Variants in ECPAS observed in about 807,000 individuals in gnomAD.
The protein encoded by ECPAS is proteasome adapter and scaffold protein ECM29.
Under a neutral mutation model 255.1 loss-of-function variants are expected in ECPAS, and 70 were observed. The ratio of observed to expected loss-of-function variants is 0.27; its 90% CI spans 0.23 to 0.33. The LOEUF (loss-of-function observed/expected upper bound fraction) is 0.33, where lower values mean the gene tolerates loss of function less well. Ranked by LOEUF, ECPAS falls within the 10% of genes least tolerant of loss-of-function variation. The pLI is 1.00. For synonymous variants in ECPAS, 784 were observed against 775.0 expected, an observed-to-expected ratio of 1.01 and a Z score of -0.19; for missense variants, 1,817 against 2,206.4, an observed-to-expected ratio of 0.82 and a Z score of 3.54.
At chr9:111,456,511 T>C (rs1399073199) in intron 2 of ECPAS, among the ~76,000 whole-genome samples, 2 of 152,214 alleles carry the variant, frequency 1.3e-5, no homozygotes, top group East Asian at 3.8e-4. Flanking sequence ...GGAAGTTTTA[T>C]TTGAAAGAAT....
chr9:111,423,639 A>G (rs1426763966), intron 12 of ECPAS, among the ~76,000 whole-genome samples: 1 of 152,162 alleles, frequency 6.6e-6, no homozygotes, highest in African/African-American at 2.4e-5. Flanking sequence ...AAAATACATC[A>G]CCGGTCCAAC....
At chr9:111,432,725 T>A (rs2098231921) in intron 8 of ECPAS, among the ~76,000 whole-genome samples, 1 of 152,268 alleles carries the variant, frequency 6.6e-6, no homozygotes, top group African/African-American at 2.4e-5. Context: ...ACTTCATTCA[T>A]TTATTTTTCA....
intron 1 of ECPAS, among the ~76,000 whole-genome samples, chr9:111,481,636 G>T (rs943770844): frequency 6.6e-6 from 1 of 152,208 alleles, no homozygotes; most frequent in Non-Finnish European, 1.5e-5. Flanking sequence ...TCTCAAAGGG[G>T]TATCTGTACA....
chr9:111,378,540 C>T (rs1038004180), intron 36 of ECPAS, 40 bp downstream of exon 36: 2 of 1,579,490 alleles, frequency 1.3e-6, no homozygotes, highest in Admixed American at 1.7e-5. Flanking sequence ...AGGGCTCTTC[C>T]CTCATGATAC....
At chr9:111,409,433 G>A (rs1042370265) in intron 23 of ECPAS, among the ~76,000 whole-genome samples, 9 of 151,938 alleles carry the variant, frequency 5.9e-5, no homozygotes, top group African/African-American at 1.5e-4. Context: ...GGTGGCGTGC[G>A]CCTGTAATCT....
At chr9:111,427,951 C>A in intron 10 of ECPAS, 91 bp downstream of exon 10, 1 of 1,085,984 alleles carries the variant, frequency 9.2e-7, no homozygotes, top group Non-Finnish European at 1.3e-6. Context: ...ATCAACCTAC[C>A]CACTGAATAT....
At chr9:111,379,709 T>A (rs575493588) in intron 35 of ECPAS, among the ~76,000 whole-genome samples, 1 of 152,254 alleles carries the variant, frequency 6.6e-6, no homozygotes, top group Non-Finnish European at 1.5e-5. Context: ...CAACTAAGTT[T>A]ATGAAATATT....
At chr9:111,383,840 T>G (rs1271074432) in intron 34 of ECPAS, among the ~76,000 whole-genome samples, 1 of 152,130 alleles carries the variant, frequency 6.6e-6, no homozygotes, top group East Asian at 1.9e-4. Flanking sequence ...GAGGATCTCC[T>G]GACCCCGGCA....
chr9:111,433,714 G>A (rs2098233526), intron 7 of ECPAS, among the ~76,000 whole-genome samples: 1 of 152,162 alleles, frequency 6.6e-6, no homozygotes, highest in African/African-American at 2.4e-5. Context: ...CCTCCCTAGT[G>A]AGGTTACACA....
Position 111,408,551 on chromosome 9 carries a change from T to G in ECPAS, c.2652+20A>C. Reference sequence around the variant, plus strand: ...TGCCTTTTCTCTGAATAACTAACAATCAGGTAGCAATATAAATACCTCCAC... The same window carrying G: ...TGCCTTTTCTCTGAATAACTAACAAGCAGGTAGCAATATAAATACCTCCAC... On this transcript the variant is annotated intron_variant, in intron 24 of 49. Transcript: ENST00000684092. 2 of 1,348,926 alleles carry G rather than the reference T, an allele frequency of 1.5e-6. No individual in the cohort carries two copies. Among genetic ancestry groups the G allele is most frequent in the Non-Finnish European group, 2.0e-6 (2 of 1,003,612 alleles). The allele number at this position is 1,348,926 out of a possible 1,614,324, so 83.6% of individuals were successfully genotyped here.
intron 24 of ECPAS, among the ~76,000 whole-genome samples, chr9:111,402,885 A>G (rs2098178277): frequency 6.6e-6 from 1 of 152,186 alleles, no homozygotes; most frequent in African/African-American, 2.4e-5. Flanking sequence ...AGGAAGACAG[A>G]AAGAAAAAAA....
At chr9:111,438,550 T>C (rs2098241399) in intron 6 of ECPAS, among the ~76,000 whole-genome samples, 2 of 152,106 alleles carry the variant, frequency 1.3e-5, no homozygotes, top group Admixed American at 6.5e-5. Flanking sequence ...CAAGGCTGCA[T>C]TGAGTTACCA....
Position 111,437,063 on chromosome 9 carries a change from T to C in ECPAS, c.585A>G (p.Ala195=). 1.9e-6 allele frequency: 3 copies of C among 1,611,240 alleles called. No homozygotes were observed. Among genetic ancestry groups the C allele is most frequent in the Non-Finnish European group, 2.5e-6 (3 of 1,179,174 alleles). ...CGCCACTGTTTGAAGAAGAACCCTG[T>C]GCTGAAGATGAATTTTGGCGACTCT... is the stretch of plus-strand genomic sequence containing the variant. ...ESQSRQNSSS[A]QGSSSNSGGG... The change falls in exon 7 of 50, where the codon GCA becomes GCG. Residue 195 remains alanine, a synonymous_variant. Coordinates refer to ENST00000684092, the MANE Select transcript of ECPAS (RefSeq NM_001364929.1).
rs1424117490 is a variant in ECPAS, at chr9:111,372,292, T to A, written c.4528+137A>T. The stretch of plus-strand genomic sequence containing the variant: ...AACTAAATGGGATGAGCAATTTGGA[T>A]GGGTTTAAAACTAAATGGGATGCAT... On this transcript the variant is annotated intron_variant, in intron 42 of 49. Transcript: ENST00000684092. The A allele has an allele frequency of 5.0e-6, 4 of 806,362 alleles. No homozygotes were observed. In the East Asian group the frequency reaches 7.4e-5, roughly 15 times the overall value. 50.0% of individuals were successfully genotyped at this position (806,362 alleles called of 1,614,324 possible). A position where few individuals can be genotyped will look rare whatever the true frequency, so the allele number is the denominator to read the frequency against.
chr9:111,383,740 A>C (rs971925090), intron 34 of ECPAS, among the ~76,000 whole-genome samples: 1 of 151,916 alleles, frequency 6.6e-6, no homozygotes, highest in African/African-American at 2.4e-5. Flanking sequence ...GGGCAACATG[A>C]AGAGACCCTG....
At chr9:111,378,447 G>A in intron 36 of ECPAS, 133 bp downstream of exon 36, 1 of 898,106 alleles carries the variant, frequency 1.1e-6, no homozygotes, top group Non-Finnish European at 1.6e-6. Flanking sequence ...CAAAAAAACA[G>A]TAAAACACTG....
intron 5 of ECPAS, among the ~76,000 whole-genome samples, chr9:111,440,922 T>C (rs2098244932): frequency 6.6e-6 from 1 of 152,176 alleles, no homozygotes; most frequent in African/African-American, 2.4e-5. Flanking sequence ...CCCAGTACTT[T>C]GGGAGGCCGA....
intron 2 of ECPAS, among the ~76,000 whole-genome samples, chr9:111,465,972 T>C (rs1406428546): frequency 1.3e-5 from 2 of 151,638 alleles, no homozygotes; most frequent in Admixed American, 6.6e-5. Flanking sequence ...AGGTTGAGGC[T>C]GCAGTGAGCT....
intron 42 of ECPAS, 109 bp from the exon 43 acceptor site, chr9:111,371,938 C>A: frequency 1.3e-6 from 1 of 754,992 alleles, no homozygotes; most frequent in Non-Finnish European, 2.2e-6. Flanking sequence ...TGACTCTCAA[C>A]TGTTAAAACA....
Sources: gnomAD v4.1 joint callset for allele counts (sites outside exome capture counted in the v4.1 genomes callset) on GRCh38, gnomAD v4.1.1 for gene constraint, MANE v1.5 for transcripts, NCBI Gene and HGNC (gene_info 2026-07-23, HGNC 2026-07-21) for gene names.